L3MBTL4: variants seen among roughly 807,000 people sequenced by gnomAD.
L3MBTL4 encodes L3MBTL histone methyl-lysine binding protein 4.
In L3MBTL4, 70 loss-of-function variants were observed where a neutral mutation model predicts 84.5. That is an observed-to-expected ratio of 0.83 (90% CI 0.68 to 1.01). The LOEUF is 1.01. L3MBTL4 is among the 50% of genes least tolerant of loss of function. The pLI is 0.00. For missense variants in L3MBTL4, 715 were observed against 754.8 expected, an observed-to-expected ratio of 0.95 and a Z score of 0.62; for synonymous variants, 274 against 259.8, an observed-to-expected ratio of 1.05 and a Z score of -0.52.
intron 1 of L3MBTL4, among the ~76,000 whole-genome samples, chr18:6,371,982 G>T (rs2054176452): frequency 6.6e-6 from 1 of 152,214 alleles, no homozygotes; most frequent in South Asian, 2.1e-4. Flanking sequence ...ACTCAGAACT[G>T]TTGGGAGAGA....
At chr18:6,242,368 G>A (rs2047488005) in intron 7 of L3MBTL4, among the ~76,000 whole-genome samples, 1 of 152,128 alleles carries the variant, frequency 6.6e-6, no homozygotes, top group African/African-American at 2.4e-5. Flanking sequence ...CATGCTTTCT[G>A]AAAGAGTGTC....
chr18:6,130,955 C>T (rs1242500211), intron 14 of L3MBTL4, among the ~76,000 whole-genome samples: 2 of 152,072 alleles, frequency 1.3e-5, no homozygotes, highest in African/African-American at 4.8e-5. Flanking sequence ...TTATTGCTAA[C>T]CCCCTATTTT....
intron 1 of L3MBTL4, among the ~76,000 whole-genome samples, chr18:6,372,729 C>T (rs558059663): frequency 6.6e-6 from 1 of 152,230 alleles, no homozygotes; most frequent in South Asian, 2.1e-4. Flanking sequence ...ACTTATAACC[C>T]AATGGACAGA....
chr18:5,969,680 C>T (rs909567276), intron 16 of L3MBTL4, 118 bp from the exon 17 acceptor site: 3 of 934,676 alleles, frequency 3.2e-6, no homozygotes, highest in African/African-American at 3.3e-5. Flanking sequence ...ACCACCAGAA[C>T]CCGCGTCTTC....
At chr18:6,159,177 C>A (rs2043217346) in intron 13 of L3MBTL4, among the ~76,000 whole-genome samples, 1 of 152,198 alleles carries the variant, frequency 6.6e-6, no homozygotes, top group African/African-American at 2.4e-5. Context: ...AGGATACCAT[C>A]CCTTGCTGGA....
chr18:6,370,097 G>A (rs1293117205), intron 1 of L3MBTL4, among the ~76,000 whole-genome samples: 5 of 142,796 alleles, frequency 3.5e-5, no homozygotes, highest in Non-Finnish European at 1.5e-5. Flanking sequence ...TCATGCCACT[G>A]CACTCCAGCC....
intron 14 of L3MBTL4, among the ~76,000 whole-genome samples, chr18:6,113,131 A>G (rs1484811309): frequency 2.0e-5 from 3 of 152,166 alleles, no homozygotes; most frequent in Admixed American, 6.5e-5. Context: ...GTTTCCCAAA[A>G]AGCAATTTCA....
At chr18:6,077,845 A>G (rs1270559507) in intron 16 of L3MBTL4, among the ~76,000 whole-genome samples, 4 of 151,798 alleles carry the variant, frequency 2.6e-5, no homozygotes, top group Non-Finnish European at 5.9e-5. Flanking sequence ...CCTGGCCAAC[A>G]TAGTGAAACC....
At chr18:6,220,184 A>C (rs1599205837) in intron 10 of L3MBTL4, among the ~76,000 whole-genome samples, 1 of 152,188 alleles carries the variant, frequency 6.6e-6, no homozygotes, top group East Asian at 1.9e-4. Flanking sequence ...GAAACATGTA[A>C]GGGTTAAACA....
At chr18:6,163,298 TGTGTGTGTGGGTGG>T (rs1159722558) in intron 13 of L3MBTL4, among the ~76,000 whole-genome samples, 2 of 126,048 alleles carry the variant, frequency 1.6e-5, no homozygotes, top group Admixed American at 1.6e-4. Context: ...TGTGTGTGTG[TGTGTGTGTGGGTGG>T]GTGTGTATTT....
chr18:6,383,943 G>A (rs16949999), intron 1 of L3MBTL4, among the ~76,000 whole-genome samples: 4 of 152,048 alleles, frequency 2.6e-5, no homozygotes, highest in Non-Finnish European at 4.4e-5. Flanking sequence ...CTTCATCAAG[G>A]GTGTGCCTTT....
At chr18:6,052,514 A>C (rs572467202) in intron 16 of L3MBTL4, among the ~76,000 whole-genome samples, 332 of 152,368 alleles carry the variant, frequency 2.2e-3, no homozygotes, top group African/African-American at 7.9e-3. Context: ...TGCTGGCTAC[A>C]GTGAACAGTG....
chr18:6,247,808 G>A lies in L3MBTL4; in HGVS notation c.220-3220C>T, dbSNP rs75889677. Among the ~76,000 whole-genome samples the A allele has an allele frequency of 2.9e-3, 445 of 151,688 alleles. 2 individuals carry two copies. The highest frequency in any genetic ancestry group is 0.01 in the African/African-American group (427 of 41,354). On this transcript the variant is annotated intron_variant, in intron 5 of 18. Transcript: ENST00000317931. Reference sequence around the variant, plus strand: ...TGATTTTTTGACTAGAACATTCCTGGTTTTGGGTCTGTCTGATGCTTCCTC... The same window carrying A: ...TGATTTTTTGACTAGAACATTCCTGATTTTGGGTCTGTCTGATGCTTCCTC...
chr18:6,277,670 G>C (rs1318727960), intron 4 of L3MBTL4, among the ~76,000 whole-genome samples: 1 of 152,012 alleles, frequency 6.6e-6, no homozygotes, highest in Non-Finnish European at 1.5e-5. Flanking sequence ...TCCTTCAGTA[G>C]GATTTTTCAG....
rs1195107860 is a variant in L3MBTL4 at position 6,204,234 on chromosome 18, C to T, written c.981+8915G>A. Among the ~76,000 whole-genome samples, 7 of 152,362 alleles carry T rather than the reference C, an allele frequency of 4.6e-5. No individual in the cohort carries two copies. The South Asian group carries it at 8.3e-4, about 18-fold the overall frequency. On this transcript the variant is annotated intron_variant, in intron 12 of 18. Transcript: ENST00000317931. ...TGGCCTGGTCCTATTGTTTCCATGGCCTAGCACTGGCCGTGCCAAGAACTC... is the reference window on the plus strand; with the variant it reads ...TGGCCTGGTCCTATTGTTTCCATGGTCTAGCACTGGCCGTGCCAAGAACTC...
intron 12 of L3MBTL4, among the ~76,000 whole-genome samples, chr18:6,188,518 T>C (rs2044897618): frequency 6.6e-6 from 1 of 152,152 alleles, no homozygotes; most frequent in Admixed American, 6.5e-5. Context: ...AAATGAAGTC[T>C]AAATTATCTG....
chr18:5,961,730 T>C (rs1407923791), intron 17 of L3MBTL4, among the ~76,000 whole-genome samples: 5 of 149,336 alleles, frequency 3.3e-5, no homozygotes, highest in Non-Finnish European at 5.9e-5. Flanking sequence ...AACCTGACAC[T>C]CTGGCAGTTC....
intron 5 of L3MBTL4, among the ~76,000 whole-genome samples, chr18:6,245,648 G>C (rs1159404260): frequency 1.4e-5 from 2 of 146,996 alleles, no homozygotes; most frequent in African/African-American, 2.5e-5. Flanking sequence ...GCAGTGCAGT[G>C]ACATGATCTC....
intron 16 of L3MBTL4, among the ~76,000 whole-genome samples, chr18:6,080,594 T>C (rs1039385441): frequency 6.6e-6 from 1 of 152,194 alleles, no homozygotes; most frequent in African/African-American, 2.4e-5. Context: ...GATTCAACCA[T>C]TGAACCTCTA....
Sources: gnomAD v4.1 joint callset for allele counts (sites outside exome capture counted in the v4.1 genomes callset) on GRCh38, gnomAD v4.1.1 for gene constraint, MANE v1.5 for transcripts, NCBI Gene and HGNC (gene_info 2026-07-23, HGNC 2026-07-21) for gene names.